The following EZR variants were observed in gnomAD, a reference collection of about 807,000 sequenced individuals.
The protein encoded by EZR is cytovillin 2.
A neutral mutation model predicts 74.8 loss-of-function variants in EZR; 40 were observed. That is an observed-to-expected ratio of 0.53 (90% CI 0.42 to 0.70). The LOEUF (loss-of-function observed/expected upper bound fraction) is 0.70. EZR is among the 30% of genes least tolerant of loss of function. The pLI is 0.00. For synonymous variants in EZR, 341 were observed against 283.3 expected, an observed-to-expected ratio of 1.20 and a Z score of -2.05; for missense variants, 678 against 755.8, an observed-to-expected ratio of 0.90 and a Z score of 1.21.
At chr6:158,802,915 C>CGT (rs1777219139) in intron 2 of EZR, among the ~76,000 whole-genome samples, 1 of 152,074 alleles carries the variant, frequency 6.6e-6, no homozygotes, top group South Asian at 2.1e-4. Flanking sequence ...TCCTAGGGGC[C>CGT]GTGTCTCCTA....
At chr6:158,775,802 T>A in intron 8 of EZR, among the ~76,000 whole-genome samples, 1 of 152,194 alleles carries the variant, frequency 6.6e-6, no homozygotes, top group South Asian at 2.1e-4. Flanking sequence ...AAAACCAAAT[T>A]TACATAATGC....
intron 2 of EZR, among the ~76,000 whole-genome samples, chr6:158,805,789 G>A (rs1777325248): frequency 1.3e-5 from 2 of 152,106 alleles, no homozygotes; most frequent in Non-Finnish European, 1.5e-5. Flanking sequence ...TTACTTGACT[G>A]GAAAAGACAT....
At chr6:158,784,748 G>A (rs947215444) in intron 5 of EZR, 21 bp from the exon 6 acceptor site, 1 of 1,607,516 alleles carries the variant, frequency 6.2e-7, no homozygotes, top group Non-Finnish European at 8.5e-7. Context: ...AAAGGAAACA[G>A]CACTGTCATC....
intron 2 of EZR, among the ~76,000 whole-genome samples, chr6:158,812,715 A>C (rs1449509508): frequency 6.6e-6 from 1 of 152,142 alleles, no homozygotes; most frequent in Non-Finnish European, 1.5e-5. Flanking sequence ...ATTAACATGT[A>C]ACAACAAATC....
At chr6:158,767,868 T>G (rs1790953203) in intron 12 of EZR, among the ~76,000 whole-genome samples, 1 of 152,158 alleles carries the variant, frequency 6.6e-6, no homozygotes, top group Non-Finnish European at 1.5e-5. Flanking sequence ...AGTGCTCTCC[T>G]GCTCGCCACT....
chr6:158,775,163 G>A lies in EZR; in HGVS notation c.795+1245C>T, dbSNP rs573823774. On this transcript the variant is annotated intron_variant, in intron 8 of 13. Coordinates refer to ENST00000367075, the MANE Select transcript of EZR (RefSeq NM_001111077.2). ...TTCTCCTGCCTCAGCCTCCCGAGCA[G>A]CTGAGATTACAGGCGCCCACCACCA... Among the ~76,000 whole-genome samples the A allele has an allele frequency of 2.6e-5, 4 of 151,658 alleles. No homozygotes were observed. The South Asian group carries it at 8.4e-4, about 32-fold the overall frequency.
Position 158,818,156 on chromosome 6 carries a change from G to A in EZR, c.-63C>T, listed in dbSNP as rs377027147. On this transcript the variant is annotated 5_prime_UTR_variant, in exon 2 of 14. Coordinates refer to ENST00000367075, the MANE Select transcript of EZR (RefSeq NM_001111077.2). Reference sequence around the variant, plus strand: ...ACGACTATCCAGCAGCAGCGAAGACGCTGTCCCAACCTGGAGTCAGAGCAG... The same window carrying A: ...ACGACTATCCAGCAGCAGCGAAGACACTGTCCCAACCTGGAGTCAGAGCAG... The A allele has an allele frequency of 2.1e-4, 332 of 1,590,934 alleles. No homozygotes were observed. The highest frequency in any genetic ancestry group is 6.7e-4 in the Middle Eastern group (4 of 5,966).
At chr6:158,797,465 T>G (rs2128573123) in intron 2 of EZR, among the ~76,000 whole-genome samples, 1 of 152,084 alleles carries the variant, frequency 6.6e-6, no homozygotes, top group Non-Finnish European at 1.5e-5. Flanking sequence ...AAAACCAGTC[T>G]GAGTAGAGCC....
intron 2 of EZR, among the ~76,000 whole-genome samples, chr6:158,817,172 C>A (rs918859365): frequency 6.6e-6 from 1 of 152,180 alleles, no homozygotes; most frequent in Non-Finnish European, 1.5e-5. Flanking sequence ...TATCTGTAAT[C>A]CCAATTTGTA....
chr6:158,787,344 CT>C, intron 3 of EZR, 141 bp from the exon 4 acceptor site: 6 of 569,486 alleles, frequency 1.1e-5, no homozygotes, highest in Admixed American at 3.3e-5. Context: ...TGGGCAACAT[CT>C]TTTTTTGCAC....
At chr6:158,819,101 G>A (rs1033588861) in intron 1 of EZR, among the ~76,000 whole-genome samples, 4 of 152,060 alleles carry the variant, frequency 2.6e-5, no homozygotes, top group Non-Finnish European at 5.9e-5. Flanking sequence ...GTTTCCTTCG[G>A]GAGAGACCTG....
intron 8 of EZR, among the ~76,000 whole-genome samples, chr6:158,774,418 G>A (rs1791207307): frequency 6.6e-6 from 1 of 152,034 alleles, no homozygotes; most frequent in Non-Finnish European, 1.5e-5. Flanking sequence ...CATCTCAGTT[G>A]CCTTTTTAAC....
chr6:158,787,372 T>C (rs1791611416), intron 3 of EZR, among the ~76,000 whole-genome samples, 169 bp from the exon 4 acceptor site: 1 of 152,232 alleles, frequency 6.6e-6, no homozygotes, highest in African/African-American at 2.4e-5. Flanking sequence ...AACTTGTTAC[T>C]AACTGAGGCT....
intron 8 of EZR, among the ~76,000 whole-genome samples, chr6:158,775,292 A>G (rs1457260924): frequency 2.0e-5 from 3 of 152,122 alleles, no homozygotes; most frequent in African/African-American, 7.2e-5. Context: ...TCAGCCTCCC[A>G]AGGTCCTGGG....
intron 7 of EZR, among the ~76,000 whole-genome samples, chr6:158,777,234 G>A (rs3127204): frequency 0.52 from 78,867 of 151,788 alleles, 21,419 homozygotes; most frequent in Non-Finnish European, 0.61. Flanking sequence ...GAAACGGACA[G>A]AGGCCTTGCT....
At chr6:158,767,192 G>C in intron 13 of EZR, 69 bp downstream of exon 13, 1 of 1,581,602 alleles carries the variant, frequency 6.3e-7, no homozygotes, top group South Asian at 1.2e-5. Flanking sequence ...TCACATCACT[G>C]CCCTCCCCAA....
chr6:158,806,590 T>C (rs933982975), intron 2 of EZR, among the ~76,000 whole-genome samples: 5 of 152,038 alleles, frequency 3.3e-5, no homozygotes, highest in African/African-American at 7.3e-5. Flanking sequence ...AATACCATTA[T>C]CACATCCAAC....
At chr6:158,788,584 T>A (rs1357328345) in intron 3 of EZR, 1 of 151,430 alleles carries the variant, frequency 6.6e-6, no homozygotes, top group African/African-American at 2.4e-5. Flanking sequence ...GAGACAGAGG[T>A]TGCAGTGAGC....
At chr6:158,801,655 A>T (rs1024266750) in intron 2 of EZR, among the ~76,000 whole-genome samples, 1 of 152,178 alleles carries the variant, frequency 6.6e-6, no homozygotes, top group Admixed American at 6.5e-5. Flanking sequence ...CTGCCTGAGT[A>T]ATAGGAATAA....
Sources: gnomAD v4.1 joint callset for allele counts (sites outside exome capture counted in the v4.1 genomes callset) on GRCh38, gnomAD v4.1.1 for gene constraint, MANE v1.5 for transcripts, NCBI Gene and HGNC (gene_info 2026-07-23, HGNC 2026-07-21) for gene names.